EYS: variants seen among roughly 807,000 people sequenced by gnomAD.
The protein encoded by EYS is protein eyes shut homolog.
In EYS, 250 loss-of-function variants were observed where a neutral mutation model predicts 282.1. The ratio of observed to expected loss-of-function variants is 0.89; its 90% CI spans 0.80 to 0.98. The LOEUF (loss-of-function observed/expected upper bound fraction) is 0.98. EYS is among the 50% of genes least tolerant of loss of function. The pLI, the probability that EYS is intolerant of heterozygous loss-of-function variation, is 0.00. For synonymous variants in EYS, 1,355 were observed against 1,282.9 expected (o/e 1.06, Z -1.20); for missense variants, 4,016 against 3,709.0 (o/e 1.08, Z -2.15).
intron 13 of EYS, among the ~76,000 whole-genome samples, chr6:65,033,794 T>A (rs985004136): frequency 6.6e-6 from 1 of 151,672 alleles, no homozygotes; most frequent in Non-Finnish European, 1.5e-5. Context: ...TCACACAGAG[T>A]CCCAAATTGG....
chr6:65,028,355 T>C (rs1479352745), intron 13 of EYS, among the ~76,000 whole-genome samples: 6 of 151,836 alleles, frequency 4.0e-5, no homozygotes, highest in Non-Finnish European at 8.8e-5. Flanking sequence ...ATAATTCTTT[T>C]TGTGAAACAT....
At chr6:65,060,538 A>G (rs1179904702) in intron 12 of EYS, among the ~76,000 whole-genome samples, 1 of 151,754 alleles carries the variant, frequency 6.6e-6, no homozygotes, top group East Asian at 1.9e-4. Flanking sequence ...TCTCTCTCTT[A>G]TCCTTCCCTG....
chr6:63,834,576 G>C (rs988531525), intron 36 of EYS, among the ~76,000 whole-genome samples: 9 of 149,748 alleles, frequency 6.0e-5, no homozygotes, highest in Non-Finnish European at 1.0e-4. Context: ...AGGATGTGGA[G>C]AAATAGAAAC....
intron 5 of EYS, among the ~76,000 whole-genome samples, chr6:65,453,451 A>G (rs532936951): frequency 7.2e-5 from 11 of 152,156 alleles, no homozygotes; most frequent in Middle Eastern, 6.8e-3. Flanking sequence ...TTCAATACAT[A>G]TCTATGCTGC....
intron 11 of EYS, among the ~76,000 whole-genome samples, chr6:65,317,470 CG>C (rs1769324207): frequency 6.6e-6 from 1 of 152,068 alleles, no homozygotes; most frequent in African/African-American, 2.4e-5. Context: ...CCTATTGTTA[CG>C]GTCTGTATAT....
chr6:64,706,741 T>C (rs1337003451), intron 22 of EYS, among the ~76,000 whole-genome samples: 1 of 151,552 alleles, frequency 6.6e-6, no homozygotes, highest in African/African-American at 2.4e-5. Context: ...ATCAGGAAAA[T>C]GCAAATCAAA....
At chr6:64,403,513 C>G (rs910999938) in intron 28 of EYS, among the ~76,000 whole-genome samples, 4 of 152,098 alleles carry the variant, frequency 2.6e-5, no homozygotes, top group Admixed American at 2.0e-4. Context: ...TGTGGCACCA[C>G]GCCCGGCTAA....
chr6:65,368,942 T>G (rs1562127408), intron 8 of EYS, among the ~76,000 whole-genome samples: 1 of 151,490 alleles, frequency 6.6e-6, no homozygotes, highest in Non-Finnish European at 1.5e-5. Flanking sequence ...TCGTATGGTA[T>G]TATTGAAGCT....
intron 41 of EYS, among the ~76,000 whole-genome samples, chr6:63,730,154 T>A (rs1768745648): frequency 6.6e-6 from 1 of 152,180 alleles, no homozygotes. Flanking sequence ...TGTTTCCCAA[T>A]ATAATGCATT....
At chr6:65,043,582 T>C (rs1279082775) in intron 13 of EYS, among the ~76,000 whole-genome samples, 1 of 151,528 alleles carries the variant, frequency 6.6e-6, no homozygotes, top group Admixed American at 6.6e-5. Flanking sequence ...AGCATTATTT[T>C]GCTCTCTGCT....
chr6:64,613,144 C>A (rs1298605429), intron 24 of EYS, among the ~76,000 whole-genome samples: 1 of 152,042 alleles, frequency 6.6e-6, no homozygotes, highest in Non-Finnish European at 1.5e-5. Flanking sequence ...ACATGCAAGA[C>A]AATTTTTAAT....
intron 22 of EYS, among the ~76,000 whole-genome samples, chr6:64,714,530 T>TCG (rs1771315251): frequency 6.9e-6 from 1 of 145,172 alleles, no homozygotes; most frequent in African/African-American, 2.6e-5. Context: ...TTTTTTTTTT[T>TCG]TTTTTTTTTT....
intron 35 of EYS, among the ~76,000 whole-genome samples, chr6:63,875,031 G>A (rs1223081288): frequency 6.6e-6 from 1 of 152,130 alleles, no homozygotes; most frequent in African/African-American, 2.4e-5. Flanking sequence ...GATGAGAGAG[G>A]GCATCCCTGT....
chr6:64,940,454 ATAAT>A (rs1367444209), intron 15 of EYS, among the ~76,000 whole-genome samples: 2 of 152,088 alleles, frequency 1.3e-5, no homozygotes, highest in South Asian at 2.1e-4. Flanking sequence ...ATTATAGGTT[ATAAT>A]TAATTAATGT....
At chr6:64,176,499 TTG>T (rs111683045) in intron 31 of EYS, among the ~76,000 whole-genome samples, 10,118 of 146,364 alleles carry the variant, frequency 0.069, 523 homozygotes, top group African/African-American at 0.15. Flanking sequence ...CATATCACGA[TTG>T]TGTGTGTGTG....
chr6:64,799,098 C>T (rs1274789674), intron 22 of EYS, among the ~76,000 whole-genome samples: 1 of 151,820 alleles, frequency 6.6e-6, no homozygotes, highest in Non-Finnish European at 1.5e-5. Context: ...TCAAAAGGAC[C>T]CTCTCTCATT....
At chr6:64,498,846 T>C (rs1354378701) in intron 26 of EYS, among the ~76,000 whole-genome samples, 3 of 152,220 alleles carry the variant, frequency 2.0e-5, no homozygotes, top group Admixed American at 6.5e-5. Flanking sequence ...GTGCCACATT[T>C]TCTTTATCCA....
intron 22 of EYS, among the ~76,000 whole-genome samples, chr6:64,760,264 T>A (rs1773115051): frequency 6.6e-6 from 1 of 152,082 alleles, no homozygotes; most frequent in South Asian, 2.1e-4. Context: ...TCTTTGACAC[T>A]CTAGGCTGGT....
chr6:65,434,274 AAAC>A (rs139824311), intron 5 of EYS, among the ~76,000 whole-genome samples: 41 of 151,970 alleles, frequency 2.7e-4, no homozygotes, highest in African/African-American at 4.6e-4. Context: ...GGCAATATTA[AAAC>A]AACAACAACA....
Sources: allele counts gnomAD v4.1 joint callset (sites outside exome capture counted in the v4.1 genomes callset), GRCh38; gene constraint gnomAD v4.1.1; transcripts MANE v1.5; gene names NCBI Gene and HGNC (gene_info 2026-07-23, HGNC 2026-07-21).